Variants in SMARCE1 observed in about 807,000 individuals in gnomAD.
SMARCE1 encodes SWI/SNF-related matrix-associated actin-dependent regulator of chromatin subfamily E member 1.
SMARCE1 carries 13 observed loss-of-function variants against 54.9 expected under a neutral mutation model. The ratio of observed to expected loss-of-function variants is 0.24; its 90% confidence interval spans 0.15 to 0.38. The LOEUF is 0.38. Among genes scored for constraint, SMARCE1 ranks in the 10% least tolerant of loss-of-function variants. The pLI is 1.00. For missense variants in SMARCE1, 295 were observed against 523.8 expected, an observed-to-expected ratio of 0.56 and a Z score of 4.26; for synonymous variants, 151 against 175.3, an observed-to-expected ratio of 0.86 and a Z score of 1.10.
intron 6 of SMARCE1, 131 bp from the exon 7 acceptor site, chr17:40,636,233 G>T: frequency 8.5e-7 from 1 of 1,182,578 alleles, no homozygotes; most frequent in Non-Finnish European, 1.2e-6. Flanking sequence ...CCTTTTTACA[G>T]GCAAGAAATC....
At chr17:40,643,998 T>A in intron 3 of SMARCE1, 1 of 155,778 alleles carries the variant, frequency 6.4e-6, no homozygotes, top group Non-Finnish European at 1.4e-5. Flanking sequence ...ATGGTGGTGG[T>A]GGTGGTAGAA....
At chr17:40,629,027 G>C (rs2037063655) in intron 10 of SMARCE1, 34 bp from the exon 11 acceptor site, 2 of 1,576,742 alleles carry the variant, frequency 1.3e-6, no homozygotes, top group African/African-American at 1.3e-5. Flanking sequence ...TCAGTTCCAA[G>C]ATGAAATTTT....
intron 4 of SMARCE1, chr17:40,637,780 T>C: frequency 1.8e-6 from 1 of 548,610 alleles, no homozygotes; most frequent in Non-Finnish European, 3.3e-6. Context: ...CTTAGCAGTT[T>C]ATTGCCAATG....
chr17:40,632,111 G>T, intron 8 of SMARCE1, 84 bp downstream of exon 8: 1 of 1,078,102 alleles, frequency 9.3e-7, no homozygotes, highest in Non-Finnish European at 1.4e-6. Flanking sequence ...TTAACAGGTA[G>T]ATTTAGGCAT....
intron 10 of SMARCE1, 192 bp from the exon 11 acceptor site, chr17:40,629,185 A>G: frequency 1.8e-6 from 1 of 561,612 alleles, no homozygotes; most frequent in Non-Finnish European, 3.1e-6. Context: ...TCTACTTTTT[A>G]GCTGTAAATG....
At chr17:40,641,077 T>C (rs572230197) in intron 4 of SMARCE1, 3 of 152,322 alleles carry the variant, frequency 2.0e-5, no homozygotes, top group African/African-American at 7.2e-5. Context: ...GGTGACTGTA[T>C]AGAGCTATTA....
At chr17:40,639,521 T>C (rs76802073) in intron 4 of SMARCE1, among the ~76,000 whole-genome samples, 3,690 of 152,276 alleles carry the variant, frequency 0.024, 75 homozygotes, top group Non-Finnish European at 0.038. Flanking sequence ...CTTTGATATT[T>C]TTCAAAGAAT....
intron 8 of SMARCE1, chr17:40,631,985 C>T: frequency 1.8e-6 from 1 of 552,652 alleles, no homozygotes; most frequent in Admixed American, 3.4e-5. Flanking sequence ...AACGAATATA[C>T]TTTCCATTAC....
chr17:40,632,865 TCA>T (rs2037109112), intron 7 of SMARCE1: 1 of 152,588 alleles, frequency 6.6e-6, no homozygotes, highest in Admixed American at 6.5e-5. Flanking sequence ...CTAACAATAT[TCA>T]GTTTCCCAGG....
chr17:40,636,270 C>T, intron 6 of SMARCE1, 125 bp downstream of exon 6: 1 of 1,200,874 alleles, frequency 8.3e-7, no homozygotes, highest in Non-Finnish European at 1.2e-6. Flanking sequence ...TGACTTGACT[C>T]AGGTAGACAG....
intron 8 of SMARCE1, chr17:40,631,904 GA>G: frequency 1.8e-6 from 1 of 543,760 alleles, no homozygotes; most frequent in Non-Finnish European, 3.2e-6. Flanking sequence ...AATTCCTTGG[GA>G]AAAAATATTT....
intron 4 of SMARCE1, among the ~76,000 whole-genome samples, chr17:40,638,313 C>A (rs1205953818): frequency 6.6e-6 from 1 of 151,910 alleles, no homozygotes; most frequent in African/African-American, 2.4e-5. Flanking sequence ...GGTCTTATAT[C>A]AAGAAGCTCC....
intron 7 of SMARCE1, chr17:40,633,576 C>A (rs1260221532): frequency 6.6e-6 from 1 of 152,218 alleles, no homozygotes. Context: ...ACAGGGGAAA[C>A]CCTGTTACAG....
At position 40,625,789 on chromosome 17, in the gene SMARCE1, TTG is replaced by T. The variant is rs1188827705; in HGVS notation, c.*2994_*2995del. ...TCTTTTCCATAGGGCATTGACATTA[TTG>T]TGTTAATGTGAAATAGCTATTTACC... On this transcript the variant is annotated 3_prime_UTR_variant, in exon 11 of 11. Coordinates refer to ENST00000348513, the MANE Select transcript of SMARCE1 (RefSeq NM_003079.5). The T allele has an allele frequency of 6.6e-6, 1 of 152,224 alleles. No homozygotes were observed. Among genetic ancestry groups the T allele is most frequent in the Non-Finnish European group, 1.5e-5 (1 of 68,046 alleles). 9.4% of individuals were successfully genotyped at this position (152,224 alleles called of 1,614,324 possible). A position where few individuals can be genotyped will look rare whatever the true frequency, so the allele number is the denominator to read the frequency against.
At chr17:40,639,791 A>G (rs2037179973) in intron 4 of SMARCE1, among the ~76,000 whole-genome samples, 1 of 152,332 alleles carries the variant, frequency 6.6e-6, no homozygotes, top group East Asian at 1.9e-4. Context: ...CTTTAAAAAA[A>G]GCTGAACATA....
At chr17:40,641,326 T>TA (rs2037198678) in intron 4 of SMARCE1, 1 of 152,218 alleles carries the variant, frequency 6.6e-6, no homozygotes, top group African/African-American at 2.4e-5. Context: ...CTTTTTCAGA[T>TA]ACCATGAAAT....
Position 40,629,464 on chromosome 17 carries a change from GAGTT to G in SMARCE1, c.1028-475_1028-472del, listed in dbSNP as rs1388817547. 18 of 1,015,760 alleles carry G rather than the reference GAGTT, an allele frequency of 1.8e-5. No individual in the cohort carries two copies. The Admixed American group carries it at 2.8e-4, about 16-fold the overall frequency. The allele number at this position is 1,015,760 out of a possible 1,614,324, so 62.9% of individuals were successfully genotyped here. On this transcript the variant is annotated intron_variant, in intron 10 of 10. Coordinates refer to ENST00000348513, the MANE Select transcript of SMARCE1 (RefSeq NM_003079.5). ...TTTATTTCTGTTGGACAGTGAATGA[GAGTT>G]AGTCTGTAGTGCTATGGATTAAACG...
chr17:40,646,433 T>C (rs2144016703), intron 1 of SMARCE1, among the ~76,000 whole-genome samples: 1 of 152,344 alleles, frequency 6.6e-6, no homozygotes, highest in South Asian at 2.1e-4. Context: ...TCACAGCCCA[T>C]TTCAAAATTT....
At chr17:40,643,791 C>T (rs991819109) in intron 3 of SMARCE1, 2 of 152,194 alleles carry the variant, frequency 1.3e-5, no homozygotes. Flanking sequence ...GCAGATATTA[C>T]ATTTGATACT....
Sources: gnomAD v4.1 joint callset for allele counts (sites outside exome capture counted in the v4.1 genomes callset) on GRCh38, gnomAD v4.1.1 for gene constraint, MANE v1.5 for transcripts, NCBI Gene and HGNC (gene_info 2026-07-23, HGNC 2026-07-21) for gene names.